RESF1: variants seen among roughly 807,000 people sequenced by gnomAD.
The protein encoded by RESF1 is gonad expressed transcript.
RESF1 carries 65 observed loss-of-function variants against 134.7 expected under a neutral mutation model. The ratio of observed to expected loss-of-function variants is 0.48; its 90% CI spans 0.40 to 0.59. RESF1 has a LOEUF of 0.59. Among genes scored for constraint, RESF1 ranks in the 20% least tolerant of loss-of-function variants. The pLI is 0.00. For missense variants in RESF1, 2,274 were observed against 2,002.7 expected (o/e 1.14, Z -2.59); for synonymous variants, 762 against 702.2 (o/e 1.09, Z -1.35).
intron 2 of RESF1, among the ~76,000 whole-genome samples, chr12:31,966,679 A>G (rs1250872932): frequency 6.6e-6 from 1 of 152,190 alleles, no homozygotes; most frequent in African/African-American, 2.4e-5. Flanking sequence ...GGATATATTT[A>G]GCTTACTTGG....
intron 2 of RESF1, among the ~76,000 whole-genome samples, chr12:31,965,842 G>C (rs1174376050): frequency 2.8e-5 from 4 of 141,898 alleles, no homozygotes; most frequent in Admixed American, 7.6e-5. Context: ...AGTGAGCCAA[G>C]ATCACGCCAC....
In RESF1 at chr12:31,970,201, A is replaced by G. The variant is rs1389145398; in HGVS notation, c.-234A>G. 6.6e-6 allele frequency: 1 copy of G among 152,194 alleles called. No homozygotes were observed. Among genetic ancestry groups the G allele is most frequent in the African/African-American group, 2.4e-5 (1 of 41,442 alleles). The allele number at this position is 152,194 out of a possible 1,614,324, so 9.4% of individuals were successfully genotyped here. A position where few individuals can be genotyped will look rare whatever the true frequency, so the allele number is the denominator to read the frequency against. On this transcript the variant is annotated 5_prime_UTR_variant, in exon 3 of 6. Coordinates refer to ENST00000312561, the MANE Select transcript of RESF1 (RefSeq NM_018169.4). Reference sequence around the variant, plus strand: ...TGCTTTCTTGCAGCTGTTTACTTCTAATTATTTCCTGATTCACAAATTAAT... The same window carrying G: ...TGCTTTCTTGCAGCTGTTTACTTCTGATTATTTCCTGATTCACAAATTAAT...
intron 3 of RESF1, among the ~76,000 whole-genome samples, chr12:31,977,802 T>C (rs1028415048): frequency 1.6e-5 from 1 of 63,034 alleles, no homozygotes; most frequent in African/African-American, 6.6e-5. Flanking sequence ...TCTTTCTTTC[T>C]TTTTTTTTTT....
In RESF1 at chr12:31,983,255, TTC is replaced by T; in HGVS notation, c.2302_2303del (p.Leu768ValfsTer18). ...CAGATAGCTGTAGTGTCACCGTTAG[TTC>T]TGTCAGAGGTCAAAACATTGTCTGT... On this transcript the variant is annotated frameshift_variant, in exon 4 of 6. Coordinates refer to ENST00000312561, the MANE Select transcript of RESF1 (RefSeq NM_018169.4). LOFTEE classifies it high-confidence loss of function. 6.2e-7 allele frequency: 1 copy of T among 1,612,388 alleles called. No individual in the cohort carries two copies. The highest frequency in any genetic ancestry group is 8.5e-7 in the Non-Finnish European group (1 of 1,179,148).
chr12:31,963,044 G>T (rs2120753297), intron 2 of RESF1, among the ~76,000 whole-genome samples: 1 of 151,492 alleles, frequency 6.6e-6, no homozygotes, highest in East Asian at 1.9e-4. Flanking sequence ...CCTAGCTCGG[G>T]TGACAGAGTG....
chr12:31,989,803 G>T (rs1940058302), intron 5 of RESF1, among the ~76,000 whole-genome samples: 1 of 152,040 alleles, frequency 6.6e-6, no homozygotes, highest in Non-Finnish European at 1.5e-5. Context: ...AGTGAGCTGA[G>T]ATCGGACCAC....
At chr12:31,968,737 C>A (rs905239779) in intron 2 of RESF1, among the ~76,000 whole-genome samples, 9 of 152,294 alleles carry the variant, frequency 5.9e-5, no homozygotes, top group South Asian at 2.1e-4. Context: ...CGTGAGCCAC[C>A]GCGCCCGGCC....
At chr12:31,987,452 GTT>G (rs1316212516) in intron 5 of RESF1, 130 bp downstream of exon 5, 50 of 589,650 alleles carry the variant, frequency 8.5e-5, no homozygotes, top group Admixed American at 1.4e-4. Flanking sequence ...GTCATTCAGT[GTT>G]TGTGTTTGAG....
intron 2 of RESF1, among the ~76,000 whole-genome samples, chr12:31,961,976 A>C (rs533338815): frequency 6.6e-6 from 1 of 152,198 alleles, no homozygotes; most frequent in Non-Finnish European, 1.5e-5. Context: ...TAATGCCAGC[A>C]CTTTAAGAGG....
chr12:31,978,652 T>C (rs1384701439), intron 3 of RESF1, among the ~76,000 whole-genome samples: 5 of 151,808 alleles, frequency 3.3e-5, no homozygotes, highest in African/African-American at 4.8e-5. Flanking sequence ...TTCAAGTGAT[T>C]CTCCTGCCTC....
In RESF1 at chr12:31,982,989, C is replaced by T. The variant is rs777193605; in HGVS notation, c.2034C>T (p.Ser678=). Residue 678 remains serine, a synonymous_variant, in exon 4 of 6, where the codon TCC becomes TCT. Transcript: ENST00000312561. ...CSMEVLATCL[S]LWKKQPSDTA... ...TGGAAGTGCTAGCAACCTGTCTTTCCCTGTGGAAAAAGCAACCTTCAGATA... is the reference window on the plus strand; with the variant it reads ...TGGAAGTGCTAGCAACCTGTCTTTCTCTGTGGAAAAAGCAACCTTCAGATA... 4 of 1,614,038 alleles carry T rather than the reference C, an allele frequency of 2.5e-6. No individual in the cohort carries two copies. The highest frequency in any genetic ancestry group is 2.2e-5 in the South Asian group (2 of 91,070).
In RESF1 at chr12:31,991,611, TTC is replaced by T. The variant is rs534724145; in HGVS notation, c.5087-765_5087-764del. 1.8e-4 allele frequency among the ~76,000 whole-genome samples: 25 copies of T among 141,170 alleles called. 1 individual carries two copies. The South Asian group carries it at 6.1e-3, about 34-fold the overall frequency. The allele number at this position is 141,170 out of a possible 152,430, so 92.6% of individuals were successfully genotyped here. ...TGTATTTCGCATACCCATACAGCAA[TTC>T]TGTTTGTTTGTTTGTTTGTTTGTTT... is the stretch of plus-strand genomic sequence containing the variant. On this transcript the variant is annotated intron_variant, in intron 5 of 5. Coordinates refer to ENST00000312561, the MANE Select transcript of RESF1 (RefSeq NM_018169.4).
chr12:31,973,023 G>C (rs764240356), intron 3 of RESF1, among the ~76,000 whole-genome samples: 4 of 151,658 alleles, frequency 2.6e-5, no homozygotes, highest in Non-Finnish European at 5.9e-5. Context: ...TATTTTCACT[G>C]TATTTTTTGT....
In RESF1 at chr12:31,981,005, C is replaced by G. The variant is rs781081043; in HGVS notation, c.50C>G (p.Pro17Arg). ...AGTGCTACATTACCACCACTGTATC[C>G]TAAAAGCCAGCCACCTTTTTTGCAC... Reference protein sequence around the residue: ...PKSATLPPLYPKSQPPFLHQS... With the variant: ...PKSATLPPLYRKSQPPFLHQS... Residue 17 changes from proline to arginine, a missense_variant, in exon 4 of 6, where the codon CCT becomes CGT. Pro to Arg is a moderately radical substitution (Grantham distance 103). Coordinates refer to ENST00000312561, the MANE Select transcript of RESF1 (RefSeq NM_018169.4). 6.2e-7 allele frequency: 1 copy of G among 1,613,776 alleles called. No homozygotes were observed. Among genetic ancestry groups the G allele is most frequent in the Non-Finnish European group, 8.5e-7 (1 of 1,179,862 alleles).
chr12:31,967,631 C>G (rs1592251050), intron 2 of RESF1, among the ~76,000 whole-genome samples: 2 of 151,334 alleles, frequency 1.3e-5, no homozygotes. Flanking sequence ...CCCCCACCCC[C>G]CACAACACCA....
At chr12:31,975,484 T>C (rs1939613156) in intron 3 of RESF1, among the ~76,000 whole-genome samples, 1 of 152,246 alleles carries the variant, frequency 6.6e-6, no homozygotes, top group African/African-American at 2.4e-5. Context: ...ATGCATCTAC[T>C]ATTATAAGAG....
rs779173648 is a variant in RESF1, at chr12:31,987,259, A to G, written c.5023A>G (p.Lys1675Glu). ...PLQVSGIKST[K>E]EDWLKFVATK... is the part of the protein sequence containing the mutation. ...AATAGTTTCAGGAATAAAAAGTACA[A>G]AAGAAGACTGGTTAAAATTTGTTGC... The change falls in exon 5 of 6, where the codon AAA (lysine) becomes GAA (glutamate). Residue 1675 changes from lysine to glutamate, a missense_variant. Physicochemically the swap from Lys to Glu is moderately conservative, Grantham distance 56. Coordinates refer to ENST00000312561, the MANE Select transcript of RESF1 (RefSeq NM_018169.4). The G allele has an allele frequency of 9.4e-6, 15 of 1,589,506 alleles. No homozygotes were observed. Among genetic ancestry groups the G allele is most frequent in the African/African-American group, 9.4e-5 (7 of 74,238 alleles).
rs753128326 is a variant in RESF1 at position 31,983,467 on chromosome 12, G to A, written c.2512G>A (p.Glu838Lys). The A allele has an allele frequency of 2.7e-5, 43 of 1,613,878 alleles. No homozygotes were observed. The highest frequency in any genetic ancestry group is 6.6e-5 in the South Asian group (6 of 91,088). ...STKIFPLTQK[E>K]KQNESTNGNS... Reference sequence around the variant, plus strand: ...CAAGATTTTTCCACTAACTCAGAAGGAAAAGCAGAATGAGTCAACTAATGG... The same window carrying A: ...CAAGATTTTTCCACTAACTCAGAAGAAAAAGCAGAATGAGTCAACTAATGG... The change falls in exon 4 of 6, where the codon GAA becomes AAA. Residue 838 changes from glutamate (E) to lysine (K), a missense_variant. Glu to Lys is a moderately conservative substitution (Grantham distance 56). Transcript: ENST00000312561.
At chr12:31,968,169 A>G (rs1333864544) in intron 2 of RESF1, among the ~76,000 whole-genome samples, 1 of 152,220 alleles carries the variant, frequency 6.6e-6, no homozygotes, top group African/African-American at 2.4e-5. Flanking sequence ...TAACCATATC[A>G]GTGGATACTC....
Sources: gnomAD v4.1 joint callset for allele counts (sites outside exome capture counted in the v4.1 genomes callset) on GRCh38, gnomAD v4.1.1 for gene constraint, MANE v1.5 for transcripts, NCBI Gene and HGNC (gene_info 2026-07-23, HGNC 2026-07-21) for gene names.